Variants in NRXN3 observed in about 807,000 individuals in gnomAD.
The protein encoded by NRXN3 is neurexin 3.
Under a neutral mutation model 137.6 loss-of-function variants are expected in NRXN3, and 32 were observed. The observed-to-expected ratio is 0.23, with a 90% CI of 0.18 to 0.31. NRXN3 has a LOEUF of 0.31. NRXN3 is among the 10% of genes least tolerant of loss of function. NRXN3 has a pLI of 1.00. For synonymous variants in NRXN3, 798 were observed against 784.5 expected, an observed-to-expected ratio of 1.02 and a Z score of -0.29; for missense variants, 1,574 against 2,062.5, an observed-to-expected ratio of 0.76 and a Z score of 4.59.
In NRXN3 at chr14:79,159,185, A is replaced by G. The variant is rs112944873; in HGVS notation, c.3262+171044A>G. Among the ~76,000 whole-genome samples, 258 of 151,982 alleles carry G rather than the reference A, an allele frequency of 1.7e-3. 1 individual carries two copies. The highest frequency in any genetic ancestry group is 5.6e-3 in the African/African-American group (233 of 41,514). On this transcript the variant is annotated intron_variant, in intron 15 of 20. Transcript: ENST00000335750. ...TTGCCATGACCTTTGTTCTTGACTAATCTGCTTTTGCTTTGATTTGACCAC... is the reference window on the plus strand; with the variant it reads ...TTGCCATGACCTTTGTTCTTGACTAGTCTGCTTTTGCTTTGATTTGACCAC...
At chr14:79,664,063 A>G in intron 17 of NRXN3, 114 bp downstream of exon 17, 1 of 1,063,564 alleles carries the variant, frequency 9.4e-7, no homozygotes, top group Non-Finnish European at 1.4e-6. Flanking sequence ...TGAAGTACAC[A>G]TTCATGATTT....
chr14:79,058,024 G>C (rs777023382), intron 15 of NRXN3, among the ~76,000 whole-genome samples: 7 of 152,136 alleles, frequency 4.6e-5, no homozygotes, highest in Admixed American at 2.0e-4. Context: ...TTTCAGACAG[G>C]TTAAAAATAT....
intron 1 of NRXN3, among the ~76,000 whole-genome samples, chr14:78,220,357 G>A (rs532931855): frequency 5.3e-5 from 8 of 151,994 alleles, no homozygotes; most frequent in South Asian, 2.1e-4. Context: ...GAGGGAGGAG[G>A]GGAGGCACCC....
chr14:78,428,754 G>A (rs969274428), intron 4 of NRXN3, among the ~76,000 whole-genome samples: 3 of 152,138 alleles, frequency 2.0e-5, no homozygotes, highest in African/African-American at 4.8e-5. Context: ...AAGGCCATTA[G>A]ACAGGACAGA....
chr14:78,397,790 G>C (rs976847462), intron 4 of NRXN3, among the ~76,000 whole-genome samples: 10 of 151,684 alleles, frequency 6.6e-5, no homozygotes, highest in African/African-American at 2.2e-4. Flanking sequence ...TTTTAGTAGA[G>C]ACAGGGTTTC....
chr14:79,220,234 G>A (rs77982877), intron 15 of NRXN3, among the ~76,000 whole-genome samples: 10 of 152,124 alleles, frequency 6.6e-5, no homozygotes, highest in Non-Finnish European at 1.5e-4. Context: ...GAAAACAGAG[G>A]CTTCCTAGGC....
At chr14:79,361,642 A>T (rs938667218) in intron 15 of NRXN3, among the ~76,000 whole-genome samples, 3 of 152,134 alleles carry the variant, frequency 2.0e-5, no homozygotes, top group African/African-American at 4.8e-5. Flanking sequence ...ACTTGAACCC[A>T]GGAGGCAGAG....
intron 10 of NRXN3, among the ~76,000 whole-genome samples, chr14:78,857,061 A>G (rs1329666404): frequency 6.6e-6 from 1 of 152,024 alleles, no homozygotes; most frequent in Admixed American, 6.6e-5. Flanking sequence ...TTTTTATCCC[A>G]TGGTTACATA....
At chr14:79,216,907 T>C (rs1050915944) in intron 15 of NRXN3, among the ~76,000 whole-genome samples, 7 of 151,882 alleles carry the variant, frequency 4.6e-5, no homozygotes, top group Non-Finnish European at 7.4e-5. Flanking sequence ...GAGGCTGAGG[T>C]GGGTGGATCA....
chr14:79,682,768 C>T (rs1308714572), intron 17 of NRXN3, among the ~76,000 whole-genome samples: 1 of 152,066 alleles, frequency 6.6e-6, no homozygotes, highest in Non-Finnish European at 1.5e-5. Context: ...TGGGCTCCTT[C>T]TCTCAAATTA....
intron 4 of NRXN3, among the ~76,000 whole-genome samples, chr14:78,364,516 T>G (rs781422452): frequency 6.6e-6 from 1 of 152,210 alleles, no homozygotes; most frequent in African/African-American, 2.4e-5. Flanking sequence ...TTACCTATTT[T>G]TATATGTGGA....
chr14:78,901,791 C>T, intron 10 of NRXN3, among the ~76,000 whole-genome samples: 1 of 152,022 alleles, frequency 6.6e-6, no homozygotes, highest in East Asian at 1.9e-4. Context: ...GTCTGACTGT[C>T]CTGGGGTGCC....
intron 19 of NRXN3, among the ~76,000 whole-genome samples, chr14:79,793,032 T>C (rs185814375): frequency 2.0e-4 from 31 of 152,226 alleles, no homozygotes; most frequent in African/African-American, 7.2e-4. Context: ...TCTGGGCAGA[T>C]AGAGAGGGGA....
At chr14:79,059,191 G>A (rs891147889) in intron 15 of NRXN3, among the ~76,000 whole-genome samples, 2 of 150,342 alleles carry the variant, frequency 1.3e-5, no homozygotes, top group African/African-American at 4.9e-5. Context: ...CTTATCACCA[G>A]CAGATCAAAA....
intron 15 of NRXN3, among the ~76,000 whole-genome samples, chr14:79,315,946 A>G (rs1228038871): frequency 6.6e-6 from 1 of 152,236 alleles, no homozygotes; most frequent in Non-Finnish European, 1.5e-5. Context: ...TAAATAAGAA[A>G]TACATTTCCA....
intron 1 of NRXN3, among the ~76,000 whole-genome samples, chr14:78,191,575 G>C (rs2153375709): frequency 6.6e-6 from 1 of 152,302 alleles, no homozygotes; most frequent in African/African-American, 2.4e-5. Flanking sequence ...TCCCCACCCT[G>C]ATCTAGAGTT....
At chr14:79,767,958 G>T (rs577762051) in intron 19 of NRXN3, among the ~76,000 whole-genome samples, 2 of 152,224 alleles carry the variant, frequency 1.3e-5, no homozygotes, top group Admixed American at 1.3e-4. Context: ...TGCCTCACTC[G>T]GGAAGCGCAA....
At chr14:78,566,276 C>T (rs190450224) in intron 4 of NRXN3, among the ~76,000 whole-genome samples, 7 of 152,290 alleles carry the variant, frequency 4.6e-5, no homozygotes, top group Non-Finnish European at 8.8e-5. Flanking sequence ...AGGGAGGCTA[C>T]TGTCCTCAGC....
At chr14:78,724,103 G>A (rs1310852454) in intron 8 of NRXN3, among the ~76,000 whole-genome samples, 2 of 152,104 alleles carry the variant, frequency 1.3e-5, no homozygotes, top group African/African-American at 4.8e-5. Context: ...GGCCATATTT[G>A]AAATTAAGCT....
Sources: allele counts gnomAD v4.1 joint callset (sites outside exome capture counted in the v4.1 genomes callset), GRCh38; gene constraint gnomAD v4.1.1; transcripts MANE v1.5; gene names NCBI Gene and HGNC (gene_info 2026-07-23, HGNC 2026-07-21).